FAM180A: variants seen among roughly 807,000 people sequenced by gnomAD.
FAM180A encodes family with sequence similarity 180 member A.
A neutral mutation model predicts 15.3 loss-of-function variants in FAM180A; 14 were observed. The ratio of observed to expected loss-of-function variants is 0.92; its 90% CI spans 0.61 to 1.43. The LOEUF is 1.43. Ranked by LOEUF, FAM180A falls within the 40% of genes most tolerant of loss-of-function variation. FAM180A has a pLI of 0.00. For synonymous variants in FAM180A, 90 were observed against 96.8 expected, an observed-to-expected ratio of 0.93 and a Z score of 0.41; for missense variants, 200 against 220.8, an observed-to-expected ratio of 0.91 and a Z score of 0.60.
intron 1 of FAM180A, 106 bp downstream of exon 1, chr7:135,748,399 C>A: frequency 1.2e-6 from 1 of 837,818 alleles, no homozygotes; most frequent in South Asian, 1.5e-5. Flanking sequence ...AGAGATTAGA[C>A]AAAAGGAGAG....
At chr7:135,736,267 C>T (rs963891299) in intron 2 of FAM180A, among the ~76,000 whole-genome samples, 8 of 152,272 alleles carry the variant, frequency 5.3e-5, no homozygotes, top group South Asian at 4.1e-4. Context: ...GTGATCCGCC[C>T]GCCTTGGCCT....
intron 1 of FAM180A, among the ~76,000 whole-genome samples, chr7:135,744,756 T>C (rs1797005553): frequency 1.3e-5 from 2 of 152,188 alleles, no homozygotes; most frequent in Admixed American, 6.5e-5. Flanking sequence ...CCCTTGCAGC[T>C]GGGGGAGCTG....
intron 1 of FAM180A, among the ~76,000 whole-genome samples, chr7:135,741,167 AC>A (rs1796943950): frequency 6.6e-6 from 1 of 152,230 alleles, no homozygotes; most frequent in African/African-American, 2.4e-5. Flanking sequence ...CCCCAGAGGT[AC>A]CCCTAGTTCT....
intron 2 of FAM180A, 69 bp downstream of exon 2, chr7:135,737,030 T>A: frequency 7.7e-7 from 1 of 1,305,534 alleles, no homozygotes; most frequent in Non-Finnish European, 1.1e-6. Flanking sequence ...CTTCTCCTTT[T>A]CCAAAAAAGA....
At position 135,734,069 on chromosome 7, in the gene FAM180A, T is replaced by C; in HGVS notation, c.428A>G (p.His143Arg). The C allele has an allele frequency of 1.9e-6, 3 of 1,614,192 alleles. No individual in the cohort carries two copies. Among genetic ancestry groups the C allele is most frequent in the African/African-American group, 1.3e-5 (1 of 75,064 alleles). ...TAYRTALSHG[H>R]QKDIWAQSLV... ...GGACTGCGCCCAGATGTCCTTCTGA[T>C]GGCCGTGGGACAGGGCTGTGCGGTA... is the stretch of plus-strand genomic sequence containing the variant. Residue 143 changes from histidine (H) to arginine (R), a missense_variant, in exon 3 of 4, where the codon CAT becomes CGT. Transcript: ENST00000338588.
At chr7:135,741,390 C>T (rs186810186) in intron 1 of FAM180A, among the ~76,000 whole-genome samples, 1,579 of 152,150 alleles carry the variant, frequency 0.01, 14 homozygotes, top group Middle Eastern at 0.061. Flanking sequence ...CTACAGGGCA[C>T]CTGTAGTCCC....
Position 135,737,149 on chromosome 7 carries a change from A to G in FAM180A, c.127T>C (p.Leu43=), listed in dbSNP as rs1337839348. Residue 43 remains leucine, a synonymous_variant, in exon 2 of 4, where the codon TTG becomes CTG. Coordinates refer to ENST00000338588, the MANE Select transcript of FAM180A (RefSeq NM_205855.4). ...HRPKRSSSLP[L]NPVLQTSLEE... is the part of the protein sequence containing the mutation. Reference sequence around the variant, plus strand: ...AGGGAGGTCTGCAGGACTGGGTTCAATGGCAGTGATGAGGACCTCTTTGGC... The same window carrying G: ...AGGGAGGTCTGCAGGACTGGGTTCAGTGGCAGTGATGAGGACCTCTTTGGC... 2.5e-6 allele frequency: 4 copies of G among 1,612,074 alleles called. No homozygotes were observed. In the African/African-American group the frequency reaches 4.0e-5, roughly 16 times the overall value.
Position 135,737,130 on chromosome 7 carries a change from G to A in FAM180A, c.146C>T (p.Thr49Ile), listed in dbSNP as rs370913547. The A allele has an allele frequency of 3.7e-6, 6 of 1,613,488 alleles. No homozygotes were observed. In the Admixed American group the frequency reaches 6.7e-5, roughly 18 times the overall value. The change falls in exon 2 of 4, where the codon ACC (threonine) becomes ATC (isoleucine). Residue 49 changes from threonine (T) to isoleucine (I), a missense_variant. By Grantham distance (89) the Thr-to-Ile change is moderately conservative. Coordinates refer to ENST00000338588, the MANE Select transcript of FAM180A (RefSeq NM_205855.4). ...GAGCAGCTCCACCTCCTCCAGGGAG[G>A]TCTGCAGGACTGGGTTCAATGGCAG... ...SSLPLNPVLQ[T>I]SLEEVELLYE... is the part of the protein sequence containing the mutation.
At chr7:135,742,682 T>C (rs1796969268) in intron 1 of FAM180A, among the ~76,000 whole-genome samples, 1 of 152,232 alleles carries the variant, frequency 6.6e-6, no homozygotes, top group Non-Finnish European at 1.5e-5. Flanking sequence ...TGTTATAGCG[T>C]GTTCTGTCCA....
chr7:135,731,332 C>T (rs747622946), intron 3 of FAM180A, among the ~76,000 whole-genome samples: 2 of 152,056 alleles, frequency 1.3e-5, no homozygotes, highest in African/African-American at 2.4e-5. Context: ...TGCCTCTGGC[C>T]GATCCCAACG....
chr7:135,733,378 G>A (rs1013067139), intron 3 of FAM180A, among the ~76,000 whole-genome samples: 6 of 151,780 alleles, frequency 4.0e-5, no homozygotes, highest in East Asian at 1.9e-4. Flanking sequence ...ACAGAATCTC[G>A]CTCTGTTCCC....
At chr7:135,744,528 G>A (rs1234951441) in intron 1 of FAM180A, among the ~76,000 whole-genome samples, 2 of 152,234 alleles carry the variant, frequency 1.3e-5, no homozygotes, top group East Asian at 3.9e-4. Context: ...GAGCGAGCCA[G>A]GGTCTCGGCC....
At chr7:135,740,425 G>A (rs761539942) in intron 1 of FAM180A, among the ~76,000 whole-genome samples, 57 of 152,140 alleles carry the variant, frequency 3.7e-4, no homozygotes, top group Non-Finnish European at 6.9e-4. Context: ...TGTTTAGACC[G>A]GTGGTTCCCA....
In FAM180A at chr7:135,730,060, G is replaced by A; in HGVS notation, c.*551C>T. The A allele has an allele frequency of 1.0e-6, 1 of 985,254 alleles. No individual in the cohort carries two copies. The allele number at this position is 985,254 out of a possible 1,614,324, so 61.0% of individuals were successfully genotyped here. On this transcript the variant is annotated 3_prime_UTR_variant, in exon 4 of 4. Transcript: ENST00000338588. ...GAAATGGATTAGGAAAGTAAGGGGT[G>A]TTGTAAAAAGTCATTTAACAAGCAT...
intron 1 of FAM180A, among the ~76,000 whole-genome samples, chr7:135,744,097 C>T (rs1796994777): frequency 6.6e-6 from 1 of 152,166 alleles, no homozygotes; most frequent in South Asian, 2.1e-4. Flanking sequence ...ACACCTTAGC[C>T]CTTCAAAGCT....
In FAM180A at chr7:135,748,719, C is replaced by T; in HGVS notation, c.-139G>A. ...TTTTGCAGACGTGCAGAAATGCCTACTCTGCCTCAGAAGGCTGGAGGCTGA... is the reference window on the plus strand; with the variant it reads ...TTTTGCAGACGTGCAGAAATGCCTATTCTGCCTCAGAAGGCTGGAGGCTGA... On this transcript the variant is annotated 5_prime_UTR_variant, in exon 1 of 4. Coordinates refer to ENST00000338588, the MANE Select transcript of FAM180A (RefSeq NM_205855.4). 1 of 723,726 alleles carries T rather than the reference C, an allele frequency of 1.4e-6. No homozygotes were observed. Among genetic ancestry groups the T allele is most frequent in the South Asian group, 1.6e-5 (1 of 61,874 alleles). 44.8% of individuals were successfully genotyped at this position (723,726 alleles called of 1,614,324 possible). A position where few individuals can be genotyped will look rare whatever the true frequency, so the allele number is the denominator to read the frequency against.
chr7:135,732,195 C>G (rs1796793079), intron 3 of FAM180A, among the ~76,000 whole-genome samples: 1 of 152,134 alleles, frequency 6.6e-6, no homozygotes, highest in South Asian at 2.1e-4. Context: ...CTCTAATAGC[C>G]TGACAGTGAG....
chr7:135,747,116 GTAAA>G (rs1432172168), intron 1 of FAM180A, among the ~76,000 whole-genome samples: 4 of 151,964 alleles, frequency 2.6e-5, no homozygotes, highest in Non-Finnish European at 4.4e-5. Flanking sequence ...AAATAAATAA[GTAAA>G]TAAATAACAA....
At chr7:135,744,194 A>G (rs775364414) in intron 1 of FAM180A, among the ~76,000 whole-genome samples, 12 of 152,114 alleles carry the variant, frequency 7.9e-5, no homozygotes, top group Non-Finnish European at 1.2e-4. Context: ...ACTTTCTGTA[A>G]TCTGGGTTAA....
Sources: allele counts gnomAD v4.1 joint callset (sites outside exome capture counted in the v4.1 genomes callset), GRCh38; gene constraint gnomAD v4.1.1; transcripts MANE v1.5; gene names NCBI Gene and HGNC (gene_info 2026-07-23, HGNC 2026-07-21).